DSG4: variants seen among roughly 807,000 people sequenced by gnomAD.
DSG4 encodes desmoglein 4, also known as desmoglein-4.
A neutral mutation model predicts 93.1 loss-of-function variants in DSG4; 87 were observed. The observed-to-expected ratio is 0.93, with a 90% CI of 0.79 to 1.12. The LOEUF is 1.12. Among genes scored for constraint, DSG4 ranks in the 50% most tolerant of loss-of-function variants. The probability of loss-of-function intolerance (pLI) is 0.00; values close to 1 mark genes in which losing one functional copy is unlikely to be tolerated. For synonymous variants in DSG4, 432 were observed against 452.9 expected, an observed-to-expected ratio of 0.95 and a Z score of 0.59; for missense variants, 1,373 against 1,285.7, an observed-to-expected ratio of 1.07 and a Z score of -1.04.
In DSG4 at chr18:31,399,476, T is replaced by C. The variant is rs376174057; in HGVS notation, c.1210T>C (p.Leu404=). The change falls in exon 9 of 16, where the codon TTG becomes CTG. Residue 404 remains leucine, a synonymous_variant. Transcript: ENST00000308128. ...VREGIKGSSL[L]NYVLGTYTAI... The stretch of plus-strand genomic sequence containing the variant: ...GGAAGGAATAAAAGGAAGTTCCTTA[T>C]TGAATTATGTGCTTGGCACATATAC... 3.7e-5 allele frequency: 60 copies of C among 1,613,972 alleles called. No individual in the cohort carries two copies. Among genetic ancestry groups the C allele is most frequent in the African/African-American group, 2.1e-4 (16 of 74,922 alleles).
At chr18:31,406,026 A>C in intron 11 of DSG4, 51 bp from the exon 12 acceptor site, 1 of 1,609,556 alleles carries the variant, frequency 6.2e-7, no homozygotes, top group Non-Finnish European at 8.5e-7. Flanking sequence ...CCACCCCCCT[A>C]GCCCACCAAG....
intron 10 of DSG4, 79 bp from the exon 11 acceptor site, chr18:31,403,337 T>C: frequency 1.7e-6 from 2 of 1,198,196 alleles, no homozygotes; most frequent in Middle Eastern, 2.6e-4. Flanking sequence ...ACAAGTTCCA[T>C]GGCATCATCA....
intron 1 of DSG4, among the ~76,000 whole-genome samples, chr18:31,381,259 T>G (rs1401119912): frequency 6.6e-6 from 1 of 152,198 alleles, no homozygotes; most frequent in African/African-American, 2.4e-5. Flanking sequence ...GACGAGGTAT[T>G]GGTTCTCTGA....
At chr18:31,386,947 G>C in intron 3 of DSG4, 128 bp downstream of exon 3, 1 of 1,453,250 alleles carries the variant, frequency 6.9e-7, no homozygotes, top group African/African-American at 1.4e-5. Flanking sequence ...ATTTGCTCCA[G>C]TTGCTGAGCC....
At chr18:31,408,134 GA>G (rs2072447605) in intron 12 of DSG4, among the ~76,000 whole-genome samples, 1 of 152,216 alleles carries the variant, frequency 6.6e-6, no homozygotes, top group Admixed American at 6.5e-5. Context: ...TTTTAGGAGA[GA>G]GGGGGCAGTG....
chr18:31,391,235 C>A, intron 7 of DSG4, 23 bp downstream of exon 7: 1 of 1,613,020 alleles, frequency 6.2e-7, no homozygotes, highest in South Asian at 1.1e-5. Context: ...TCTTATCTTC[C>A]TTTTTCCATA....
At chr18:31,410,963 G>C in intron 14 of DSG4, 1 of 977,926 alleles carries the variant, frequency 1.0e-6, no homozygotes, top group East Asian at 2.6e-5. Context: ...CTCTTGGCTA[G>C]TTCTACACCT....
In DSG4 at chr18:31,413,531, C is replaced by T; in HGVS notation, c.3059C>T (p.Thr1020Ile). 3.7e-6 allele frequency: 6 copies of T among 1,614,054 alleles called. No homozygotes were observed. The highest frequency in any genetic ancestry group is 5.1e-6 in the Non-Finnish European group (6 of 1,180,004). The change falls in exon 16 of 16, where the codon ACA becomes ATA. Residue 1020 changes from threonine (T) to isoleucine (I), a missense_variant. By Grantham distance (89) the Thr-to-Ile change is moderately conservative. Transcript: ENST00000308128. Reference sequence around the variant, plus strand: ...CCCATAGGCCAAACCGTTGGCTCCACATCCCCCATGACATCTCGACACAGA... The same window carrying T: ...CCCATAGGCCAAACCGTTGGCTCCATATCCCCCATGACATCTCGACACAGA... ...DLPIGQTVGS[T>I]SPMTSRHRVT...
In DSG4 at chr18:31,404,742, T is replaced by C. The variant is rs563219787; in HGVS notation, c.1636+1108T>C. ...CTTTAATATTTTTTAAAGTTAATCATGTTAAAGCAATTCCATTAATATCAA... is the reference window on the plus strand; with the variant it reads ...CTTTAATATTTTTTAAAGTTAATCACGTTAAAGCAATTCCATTAATATCAA... On this transcript the variant is annotated intron_variant, in intron 11 of 15. Coordinates refer to ENST00000308128, the MANE Select transcript of DSG4 (RefSeq NM_177986.5). 2.6e-4 allele frequency among the ~76,000 whole-genome samples: 39 copies of C among 152,344 alleles called. 1 individual carries two copies. The South Asian group carries it at 7.9e-3, about 31-fold the overall frequency.
intron 12 of DSG4, among the ~76,000 whole-genome samples, chr18:31,409,049 C>T (rs145701794): frequency 1.3e-5 from 2 of 152,210 alleles, no homozygotes; most frequent in East Asian, 3.9e-4. Context: ...AAGATAGGTC[C>T]TATCTCCAGG....
chr18:31,393,128 A>AT (rs1013436991), intron 8 of DSG4, among the ~76,000 whole-genome samples: 6 of 152,126 alleles, frequency 3.9e-5, no homozygotes, highest in African/African-American at 1.4e-4. Context: ...GGAAATTGTT[A>AT]TTTTTTAACA....
rs138483126 is a variant in DSG4, at chr18:31,409,776, C to T, written c.2105C>T (p.Ala702Val). The change falls in exon 14 of 16, where the codon GCC (alanine) becomes GTC (valine). Residue 702 changes from alanine to valine, a missense_variant. Ala to Val is a moderately conservative substitution (Grantham distance 64). Transcript: ENST00000308128. The part of the protein sequence containing the change: ...DVSNICAPMT[A>V]SNTQDRMDSS... ...TCAAATATATGTGCACCCATGACAGCCTCAAATACCCAGGATCGGATGGAT... is the reference window on the plus strand; with the variant it reads ...TCAAATATATGTGCACCCATGACAGTCTCAAATACCCAGGATCGGATGGAT... 26 of 1,614,160 alleles carry T rather than the reference C, an allele frequency of 1.6e-5. No individual in the cohort carries two copies. The highest frequency in any genetic ancestry group is 3.3e-4 in the Middle Eastern group (2 of 6,062).
chr18:31,386,710 A>G lies in DSG4; in HGVS notation c.107A>G (p.Asn36Ser). ...AAGGTGAAGGAATTTGACATTGAAA[A>G]TGGCACTACAAAATGGCAAACAGTC... ...IVEVKEFDIENGTTKWQTVRR... is the reference protein window; with the variant it reads ...IVEVKEFDIESGTTKWQTVRR... Residue 36 changes from asparagine (N) to serine (S), a missense_variant, in exon 3 of 16, where the codon AAT becomes AGT. Physicochemically the swap from Asn to Ser is conservative, Grantham distance 46. Coordinates refer to ENST00000308128, the MANE Select transcript of DSG4 (RefSeq NM_177986.5). 2 of 1,613,356 alleles carry G rather than the reference A, an allele frequency of 1.2e-6. No individual in the cohort carries two copies. The highest frequency in any genetic ancestry group is 2.7e-5 in the African/African-American group (2 of 75,014).
rs2072081618 is a variant in DSG4 at position 31,376,814 on chromosome 18, C to T, written c.-98C>T. ...CACCCATGCCCTCCTAAAAGGGTGT[C>T]TCAAAGCATATCTTTCTGTAGAGCA... On this transcript the variant is annotated 5_prime_UTR_variant, in exon 1 of 16. Transcript: ENST00000308128. The T allele has an allele frequency of 7.3e-7, 1 of 1,375,382 alleles. No homozygotes were observed. The highest frequency in any genetic ancestry group is 1.4e-5 in the African/African-American group (1 of 69,660). The allele number at this position is 1,375,382 out of a possible 1,614,324, so 85.2% of individuals were successfully genotyped here.
chr18:31,398,026 C>CAAAAAAA (rs58572396), intron 8 of DSG4, among the ~76,000 whole-genome samples: 2 of 80,810 alleles, frequency 2.5e-5, no homozygotes, highest in Non-Finnish European at 2.4e-5. Flanking sequence ...GACCCTGTCT[C>CAAAAAAA]AAAAAAAAAA....
In DSG4 at chr18:31,399,185, G is replaced by A; in HGVS notation, c.1006-87G>A. The A allele has an allele frequency of 1.3e-6, 2 of 1,549,526 alleles. 1 individual carries two copies. The highest frequency in any genetic ancestry group is 1.8e-6 in the Non-Finnish European group (2 of 1,130,106). ...AGCGTATCTCCTGGACCTTATTCTA[G>A]TGTGTGGTTTGCTTTACCATGGCTT... On this transcript the variant is annotated intron_variant, in intron 8 of 15. Coordinates refer to ENST00000308128, the MANE Select transcript of DSG4 (RefSeq NM_177986.5).
intron 5 of DSG4, among the ~76,000 whole-genome samples, chr18:31,389,879 C>G (rs569026122): frequency 1.3e-5 from 2 of 152,234 alleles, no homozygotes; most frequent in Non-Finnish European, 2.9e-5. Flanking sequence ...AGAGCCAACA[C>G]AAAGAGAGAC....
chr18:31,406,871 A>C (rs1367378792), intron 12 of DSG4, among the ~76,000 whole-genome samples: 5 of 151,468 alleles, frequency 3.3e-5, no homozygotes, highest in Non-Finnish European at 7.4e-5. Flanking sequence ...TCTGCCTCCC[A>C]GGTTCAAATG....
rs1439149274 is a variant in DSG4, at chr18:31,401,000, C to G, written c.1397C>G (p.Ala466Gly). ...SKYIINGIYT[A>G]EILAIDDGSG... is the part of the protein sequence containing the mutation. The stretch of plus-strand genomic sequence containing the variant: ...TATATTATCAATGGGATATACACAG[C>G]AGAGATCCTGGCTATAGATGGTAAG... Residue 466 changes from alanine to glycine, a missense_variant, in exon 10 of 16, where the codon GCA becomes GGA. By Grantham distance (60) the Ala-to-Gly change is moderately conservative. Coordinates refer to ENST00000308128, the MANE Select transcript of DSG4 (RefSeq NM_177986.5). 6.2e-7 allele frequency: 1 copy of G among 1,604,996 alleles called. No individual in the cohort carries two copies. Among genetic ancestry groups the G allele is most frequent in the Non-Finnish European group, 8.5e-7 (1 of 1,175,278 alleles).
Sources: allele counts gnomAD v4.1 joint callset (sites outside exome capture counted in the v4.1 genomes callset), GRCh38; gene constraint gnomAD v4.1.1; transcripts MANE v1.5; gene names NCBI Gene and HGNC (gene_info 2026-07-23, HGNC 2026-07-21).